The following MPP7 variants were observed in gnomAD, a reference collection of about 807,000 sequenced individuals.
MPP7 encodes MAGUK p55 scaffold protein 7, also known as MAGUK p55 subfamily member 7.
MPP7 carries 60 observed loss-of-function variants against 76.5 expected under a neutral mutation model. That is an observed-to-expected ratio of 0.78 (90% confidence interval 0.64 to 0.97). The LOEUF (loss-of-function observed/expected upper bound fraction) is 0.97, where lower values mean the gene tolerates loss of function less well. MPP7 is among the 50% of genes least tolerant of loss of function. The pLI is 0.00. For missense variants in MPP7, 641 were observed against 694.0 expected (o/e 0.92, Z 0.86); for synonymous variants, 237 against 244.5 (o/e 0.97, Z 0.29).
At chr10:28,134,561 C>T (rs902571297) in intron 5 of MPP7, among the ~76,000 whole-genome samples, 1 of 151,766 alleles carries the variant, frequency 6.6e-6, no homozygotes, top group African/African-American at 2.4e-5. Context: ...TTTTTGTATC[C>T]AACAAGAGTT....
chr10:28,114,841 T>G (rs1834611874), intron 11 of MPP7, among the ~76,000 whole-genome samples: 1 of 152,180 alleles, frequency 6.6e-6, no homozygotes, highest in African/African-American at 2.4e-5. Flanking sequence ...TAGAAGCATC[T>G]ACTCTGATAG....
chr10:28,130,324 G>T (rs1835152637), intron 6 of MPP7, among the ~76,000 whole-genome samples: 1 of 152,134 alleles, frequency 6.6e-6, no homozygotes, highest in African/African-American at 2.4e-5. Context: ...GGCTGAGATG[G>T]TGAGTGGTTT....
chr10:28,124,527 G>C (rs1347727182), intron 7 of MPP7, among the ~76,000 whole-genome samples: 1 of 131,362 alleles, frequency 7.6e-6, no homozygotes, highest in Non-Finnish European at 1.5e-5. Flanking sequence ...CCAGGCTGGA[G>C]TGCAGTGGCA....
rs138986514 is a variant in MPP7 at position 28,264,457 on chromosome 10, A to G, written c.-131-25722T>C. ...CCTCAGGATGGGGCGCTGGTGGACC[A>G]GAAACCCCACCACGTGAGAAGGCTG... On this transcript the variant is annotated intron_variant, in intron 1 of 16. Coordinates refer to ENST00000683449, the MANE Select transcript of MPP7 (RefSeq NM_001318170.2). Among the ~76,000 whole-genome samples, 1,221 of 152,268 alleles carry G rather than the reference A, an allele frequency of 8.0e-3. 17 individuals are homozygous for G. Among genetic ancestry groups the G allele is most frequent in the African/African-American group, 0.028 (1,151 of 41,552 alleles).
At chr10:28,094,619 G>A (rs1014669249) in intron 11 of MPP7, among the ~76,000 whole-genome samples, 8 of 152,056 alleles carry the variant, frequency 5.3e-5, no homozygotes, top group African/African-American at 1.4e-4. Flanking sequence ...CCATAGCATG[G>A]TGTCTAGCAA....
rs1834387279 is a variant in MPP7 at position 28,323,721 on chromosome 10, G to C, written c.-132+6208C>G. On this transcript the variant is annotated intron_variant, in intron 2 of 11. Coordinates refer to the MPP7 transcript ENST00000441595. The stretch of plus-strand genomic sequence containing the variant: ...AAATAAATAAATAAATAGAGAGAGA[G>C]AAAGAGTCATGAAATGACTGGGAGA... Among the ~76,000 whole-genome samples the C allele has an allele frequency of 3.9e-5, 6 of 151,938 alleles. No individual in the cohort carries two copies. In the South Asian group the frequency reaches 1.2e-3, roughly 32 times the overall value.
chr10:28,149,454 A>G (rs1835808945), intron 4 of MPP7, among the ~76,000 whole-genome samples: 1 of 152,248 alleles, frequency 6.6e-6, no homozygotes, highest in Non-Finnish European at 1.5e-5. Flanking sequence ...AACTGCTTCT[A>G]AAATTTATTT....
chr10:28,084,645 G>A (rs945874709), intron 12 of MPP7, among the ~76,000 whole-genome samples: 2 of 152,014 alleles, frequency 1.3e-5, no homozygotes, highest in Non-Finnish European at 2.9e-5. Flanking sequence ...TCTATCTATG[G>A]CAATCAAAAA....
intron 2 of MPP7, among the ~76,000 whole-genome samples, chr10:28,208,539 C>T (rs1211575010): frequency 6.6e-6 from 1 of 152,118 alleles, no homozygotes; most frequent in Non-Finnish European, 1.5e-5. Context: ...AGGATAACTA[C>T]CACTGGATAC....
At chr10:28,321,239 G>A (rs1397063889) in intron 2 of MPP7, among the ~76,000 whole-genome samples, 1 of 152,126 alleles carries the variant, frequency 6.6e-6, no homozygotes, top group Admixed American at 6.5e-5. Context: ...AACAAAAAAA[G>A]GTTAATTTTA....
intron 2 of MPP7, among the ~76,000 whole-genome samples, chr10:28,319,743 A>G (rs1440887843): frequency 6.6e-6 from 1 of 152,166 alleles, no homozygotes; most frequent in Admixed American, 6.6e-5. Flanking sequence ...TGGGAGGCCA[A>G]CGCAGGTGGA....
chr10:28,333,186 C>T (rs1834486210), intron 1 of MPP7, among the ~76,000 whole-genome samples: 1 of 151,932 alleles, frequency 6.6e-6, no homozygotes, highest in African/African-American at 2.4e-5. Context: ...ACTCTGTTGC[C>T]CAGGCTGGAG....
intron 11 of MPP7, among the ~76,000 whole-genome samples, chr10:28,114,858 A>C (rs943118734): frequency 1.3e-5 from 2 of 152,228 alleles, no homozygotes; most frequent in Non-Finnish European, 2.9e-5. Context: ...ATAGTGTTTG[A>C]GAAGCAACAT....
chr10:28,143,856 TGTGTGTG>T (rs1835610946), intron 5 of MPP7, among the ~76,000 whole-genome samples: 1 of 536 alleles, frequency 1.9e-3, no homozygotes, highest in East Asian at 0.036. Context: ...AATCGTGTGC[TGTGTGTG>T]TGTGTGTGTG....
chr10:28,087,681 C>T (rs907627679), intron 12 of MPP7, among the ~76,000 whole-genome samples: 14 of 152,334 alleles, frequency 9.2e-5, no homozygotes, highest in Non-Finnish European at 1.9e-4. Flanking sequence ...CAGGCATGAG[C>T]CACTGCGCCC....
intron 6 of MPP7, among the ~76,000 whole-genome samples, chr10:28,125,464 C>T (rs903660429): frequency 5.3e-5 from 8 of 151,668 alleles, no homozygotes; most frequent in Non-Finnish European, 1.0e-4. Context: ...CTTATAGTAC[C>T]GCATCAAGAA....
chr10:28,332,383 G>A (rs912151426), intron 1 of MPP7, among the ~76,000 whole-genome samples: 1 of 151,920 alleles, frequency 6.6e-6, no homozygotes, highest in Non-Finnish European at 1.5e-5. Flanking sequence ...GTAACTTAAA[G>A]TTGAAAGGAT....
chr10:28,063,840 G>A (rs968858428), intron 13 of MPP7, among the ~76,000 whole-genome samples: 5 of 152,116 alleles, frequency 3.3e-5, no homozygotes, highest in Non-Finnish European at 4.4e-5. Context: ...TTTGGGGACC[G>A]CTGCATAAAA....
At chr10:28,210,834 C>T (rs1838108278) in intron 2 of MPP7, among the ~76,000 whole-genome samples, 1 of 152,182 alleles carries the variant, frequency 6.6e-6, no homozygotes, top group South Asian at 2.1e-4. Flanking sequence ...TGAGCCGGTT[C>T]ATTAAGCCAT....
Sources: allele counts gnomAD v4.1 joint callset (sites outside exome capture counted in the v4.1 genomes callset), GRCh38; gene constraint gnomAD v4.1.1; transcripts MANE v1.5; gene names NCBI Gene and HGNC (gene_info 2026-07-23, HGNC 2026-07-21).